CDKAL1: variants seen among roughly 807,000 people sequenced by gnomAD.
CDKAL1 encodes the protein CDKAL1 threonylcarbamoyladenosine tRNA methylthiotransferase, also known as threonylcarbamoyladenosine tRNA methylthiotransferase.
Under a neutral mutation model 68.2 loss-of-function variants are expected in CDKAL1, and 32 were observed. The observed-to-expected ratio is 0.47, with a 90% CI of 0.35 to 0.63. The LOEUF is 0.63. Ranked by LOEUF, CDKAL1 falls within the 30% of genes least tolerant of loss-of-function variation. CDKAL1 has a pLI of 0.00. For missense variants in CDKAL1, 606 were observed against 696.7 expected, an observed-to-expected ratio of 0.87 and a Z score of 1.47; for synonymous variants, 234 against 244.3, an observed-to-expected ratio of 0.96 and a Z score of 0.39.
chr6:20,793,778 AAATTT>A (rs1352560197), intron 8 of CDKAL1, among the ~76,000 whole-genome samples: 2 of 147,064 alleles, frequency 1.4e-5, no homozygotes, highest in Non-Finnish European at 3.0e-5. Flanking sequence ...TTTTAATTTT[AAATTT>A]AATTCTTTCA....
intron 4 of CDKAL1, chr6:20,558,612 G>A (rs889804969): frequency 1.1e-5 from 5 of 456,376 alleles, no homozygotes; most frequent in Non-Finnish European, 2.2e-5. Context: ...AAATCACTTT[G>A]TAATCTAAGA....
intron 15 of CDKAL1, among the ~76,000 whole-genome samples, chr6:21,218,592 A>G (rs1779423772): frequency 1.3e-5 from 2 of 152,160 alleles, no homozygotes; most frequent in African/African-American, 4.8e-5. Flanking sequence ...TCAGTTTCTC[A>G]TGGGTTGTTG....
intron 8 of CDKAL1, among the ~76,000 whole-genome samples, chr6:20,844,687 T>TAAAA (rs35541206): frequency 2.9e-4 from 42 of 146,840 alleles, no homozygotes; most frequent in South Asian, 1.5e-3. Flanking sequence ...CCGTTTCTAT[T>TAAAA]AAAAAAAAAA....
At chr6:21,114,904 G>C (rs1296097310) in intron 13 of CDKAL1, among the ~76,000 whole-genome samples, 1 of 152,052 alleles carries the variant, frequency 6.6e-6, no homozygotes, top group African/African-American at 2.4e-5. Context: ...ACTACCTTAA[G>C]AACTGTTGTT....
At chr6:21,086,547 G>A (rs866415344) in intron 12 of CDKAL1, among the ~76,000 whole-genome samples, 15 of 152,152 alleles carry the variant, frequency 9.9e-5, no homozygotes, top group Admixed American at 2.6e-4. Context: ...AGCCATAGGC[G>A]AACACCGAAG....
At chr6:20,781,085 G>T in intron 7 of CDKAL1, 60 bp from the exon 8 acceptor site, 1 of 1,537,908 alleles carries the variant, frequency 6.5e-7, no homozygotes, top group Non-Finnish European at 8.9e-7. Flanking sequence ...TGTTGAAAGC[G>T]TTAAGTTACA....
At chr6:20,596,458 A>G (rs546818654) in intron 4 of CDKAL1, among the ~76,000 whole-genome samples, 1 of 152,280 alleles carries the variant, frequency 6.6e-6, no homozygotes, top group African/African-American at 2.4e-5. Flanking sequence ...TTTTGTTTAC[A>G]CTGTGAGGGG....
Position 20,954,325 on chromosome 6 carries a change from A to T in CDKAL1, c.743-1094A>T, listed in dbSNP as rs546231304. ...GTCTCTCTTGGCTAGGAATATTTAA[A>T]TGTATTTTTGAAACTCTTCTGTTCT... On this transcript the variant is annotated intron_variant, in intron 9 of 15. Coordinates refer to ENST00000274695, the MANE Select transcript of CDKAL1 (RefSeq NM_017774.3). Among the ~76,000 whole-genome samples the T allele has an allele frequency of 1.7e-4, 26 of 152,298 alleles. No homozygotes were observed. In the South Asian group the frequency reaches 5.2e-3, roughly 30 times the overall value.
Position 20,821,273 on chromosome 6 carries a change from A to G in CDKAL1, c.639-24802A>G, listed in dbSNP as rs553988983. Among the ~76,000 whole-genome samples the G allele has an allele frequency of 2.3e-3, 349 of 152,188 alleles. 2 individuals carry two copies. The highest frequency in any genetic ancestry group is 6.0e-3 in the Admixed American group (92 of 15,278). On this transcript the variant is annotated intron_variant, in intron 8 of 15. Coordinates refer to ENST00000274695, the MANE Select transcript of CDKAL1 (RefSeq NM_017774.3). Reference sequence around the variant, plus strand: ...CTGTAGGGACGATATCCTGTCGTGAAGTCCGAATGGAAGAAGAGAGAATGG... The same window carrying G: ...CTGTAGGGACGATATCCTGTCGTGAGGTCCGAATGGAAGAAGAGAGAATGG...
At chr6:20,915,325 T>C (rs866736925) in intron 9 of CDKAL1, among the ~76,000 whole-genome samples, 4 of 152,074 alleles carry the variant, frequency 2.6e-5, no homozygotes, top group Non-Finnish European at 5.9e-5. Context: ...CACACACAGA[T>C]TTTAAGAAAT....
chr6:20,648,739 A>T (rs1768607014), intron 4 of CDKAL1, among the ~76,000 whole-genome samples: 1 of 152,246 alleles, frequency 6.6e-6, no homozygotes, highest in Non-Finnish European at 1.5e-5. Flanking sequence ...AAAAATTCAT[A>T]TAATAAATAT....
intron 4 of CDKAL1, among the ~76,000 whole-genome samples, chr6:20,618,481 C>T (rs2127730243): frequency 6.6e-6 from 1 of 152,218 alleles, no homozygotes; most frequent in Middle Eastern, 3.4e-3. Context: ...GTCGTGAAGT[C>T]CTTGCCCATG....
chr6:20,864,643 G>C lies in CDKAL1; in HGVS notation c.742+18465G>C, dbSNP rs1194306373. On this transcript the variant is annotated intron_variant, in intron 9 of 15. Transcript: ENST00000274695. ...AGTGCTACTTAATGATGGTTGGCTT[G>C]TTCAGAATAAATAAAGAGAAAACTA... 2.0e-5 allele frequency among the ~76,000 whole-genome samples: 3 copies of C among 152,122 alleles called. No individual in the cohort carries two copies. The South Asian group carries it at 6.2e-4, about 32-fold the overall frequency.
rs73379355 is a variant in CDKAL1, at chr6:20,749,924, T to G, written c.469-8671T>G. 1.4e-3 allele frequency among the ~76,000 whole-genome samples: 219 copies of G among 152,122 alleles called. 2 individuals carry two copies. Among genetic ancestry groups the G allele is most frequent in the African/African-American group, 4.8e-3 (200 of 41,498 alleles). ...TCTCGCCATGTTGTCCAGGGTGGTTTCAAACTCCTAGGCTCAAACAATCTT... is the reference window on the plus strand; with the variant it reads ...TCTCGCCATGTTGTCCAGGGTGGTTGCAAACTCCTAGGCTCAAACAATCTT... On this transcript the variant is annotated intron_variant, in intron 6 of 15. Coordinates refer to ENST00000274695, the MANE Select transcript of CDKAL1 (RefSeq NM_017774.3).
At chr6:21,005,674 T>C (rs1767686533) in intron 11 of CDKAL1, among the ~76,000 whole-genome samples, 1 of 152,234 alleles carries the variant, frequency 6.6e-6, no homozygotes, top group African/African-American at 2.4e-5. Context: ...TCCCATGATA[T>C]TGTTCATTTT....
intron 15 of CDKAL1, among the ~76,000 whole-genome samples, chr6:21,226,120 CG>C (rs1779730368): frequency 6.6e-6 from 1 of 152,132 alleles, no homozygotes. Flanking sequence ...TGCCTTGTGG[CG>C]TGAAACATGC....
chr6:20,812,456 G>A (rs988012338), intron 8 of CDKAL1, among the ~76,000 whole-genome samples: 7 of 152,088 alleles, frequency 4.6e-5, no homozygotes, highest in Non-Finnish European at 7.4e-5. Flanking sequence ...TTACGTATAC[G>A]TCCATGAAAC....
intron 7 of CDKAL1, among the ~76,000 whole-genome samples, chr6:20,777,765 C>T (rs1054644176): frequency 1.3e-5 from 2 of 152,126 alleles, no homozygotes; most frequent in Non-Finnish European, 2.9e-5. Context: ...AGTACCAAAC[C>T]CTGTATGTAC....
intron 4 of CDKAL1, among the ~76,000 whole-genome samples, chr6:20,618,604 G>A (rs560324211): frequency 2.4e-4 from 37 of 152,180 alleles, no homozygotes; most frequent in South Asian, 1.7e-3. Flanking sequence ...GAGAATAAGC[G>A]TGTCCAGGCA....
Sources: allele counts gnomAD v4.1 joint callset (sites outside exome capture counted in the v4.1 genomes callset), GRCh38; gene constraint gnomAD v4.1.1; transcripts MANE v1.5; gene names NCBI Gene and HGNC (gene_info 2026-07-23, HGNC 2026-07-21).